ZHX2: variants seen among roughly 807,000 people sequenced by gnomAD.
The protein encoded by ZHX2 is zinc fingers and homeoboxes protein 2.
Under a neutral mutation model 21.9 loss-of-function variants are expected in ZHX2, and 6 were observed. The ratio of observed to expected loss-of-function variants is 0.27; its 90% CI spans 0.15 to 0.54. The LOEUF is 0.54. ZHX2 is among the 20% of genes least tolerant of loss of function. ZHX2 has a pLI of 0.95. For synonymous variants in ZHX2, 434 were observed against 437.1 expected, an observed-to-expected ratio of 0.99 and a Z score of 0.09; for missense variants, 908 against 1,090.7, an observed-to-expected ratio of 0.83 and a Z score of 2.36.
In ZHX2 at chr8:122,857,773, C is replaced by T. The variant is rs1023427047; in HGVS notation, c.-282-5704C>T. Among the ~76,000 whole-genome samples, 5 of 152,204 alleles carry T rather than the reference C, an allele frequency of 3.3e-5. No individual in the cohort carries two copies. The East Asian group carries it at 5.8e-4, about 18-fold the overall frequency. ...TGACTCTGGGCAACTTTTTTAATCTCGCAGGTTCAGGTTTACCATCTGTAG... is the reference window on the plus strand; with the variant it reads ...TGACTCTGGGCAACTTTTTTAATCTTGCAGGTTCAGGTTTACCATCTGTAG... On this transcript the variant is annotated intron_variant, in intron 1 of 3. Transcript: ENST00000314393.
At chr8:122,941,103 TG>T (rs1318348615) in intron 2 of ZHX2, among the ~76,000 whole-genome samples, 1 of 150,338 alleles carries the variant, frequency 6.7e-6, no homozygotes, top group Non-Finnish European at 1.5e-5. Flanking sequence ...TTTAAGAAGC[TG>T]GGCATGGTGG....
intron 2 of ZHX2, among the ~76,000 whole-genome samples, chr8:122,918,509 C>T (rs549536324): frequency 6.6e-6 from 1 of 152,244 alleles, no homozygotes; most frequent in Non-Finnish European, 1.5e-5. Context: ...GCACTTCTCA[C>T]CTCGTCTTTG....
chr8:122,925,455 C>G (rs138876365), intron 2 of ZHX2, among the ~76,000 whole-genome samples: 4 of 152,204 alleles, frequency 2.6e-5, no homozygotes, highest in Non-Finnish European at 5.9e-5. Flanking sequence ...CCACTAGGGG[C>G]GAGAAATACC....
chr8:122,960,388 A>C (rs910598569), intron 3 of ZHX2, among the ~76,000 whole-genome samples: 3 of 152,168 alleles, frequency 2.0e-5, no homozygotes, highest in African/African-American at 2.4e-5. Flanking sequence ...AAATACAAAA[A>C]TTAGCTTGGT....
chr8:122,888,927 T>G (rs1460198689), intron 2 of ZHX2, among the ~76,000 whole-genome samples: 1 of 152,182 alleles, frequency 6.6e-6, no homozygotes, highest in African/African-American at 2.4e-5. Context: ...TAGTAACCAC[T>G]CTTCTACTCT....
rs1163195324 is a variant in ZHX2, at chr8:122,953,883, G to A, written c.2373G>A (p.Val791=). 4 of 1,614,182 alleles carry A rather than the reference G, an allele frequency of 2.5e-6. No homozygotes were observed. The highest frequency in any genetic ancestry group is 3.4e-6 in the Non-Finnish European group (4 of 1,180,016). Residue 791 remains valine, a synonymous_variant, in exon 3 of 4, where the codon GTG becomes GTA. Coordinates refer to ENST00000314393, the MANE Select transcript of ZHX2 (RefSeq NM_014943.5). The surrounding 1 kb of genome is among the most constrained non-coding windows in gnomAD (Gnocchi z 4.6). ...ACGAGAACGAGGAGTCGAGCGTTGT[G>A]GATTACGTGGAGGTGACGGTCGGGG... The part of the protein sequence containing the change: ...GSDENEESSV[V]DYVEVTVGEE...
rs571979215 is a variant in ZHX2 at position 122,836,484 on chromosome 8, G to A, written c.-282-26993G>A. On this transcript the variant is annotated intron_variant, in intron 1 of 3. Coordinates refer to ENST00000314393, the MANE Select transcript of ZHX2 (RefSeq NM_014943.5). ...AAGGTTCTTGTATCGGTTCGAACCC[G>A]GAGAGCGCGCGTTCGAACCAACAGA... 5.9e-5 allele frequency among the ~76,000 whole-genome samples: 9 copies of A among 152,296 alleles called. No homozygotes were observed. In the East Asian group the frequency reaches 7.7e-4, roughly 13 times the overall value.
intron 2 of ZHX2, among the ~76,000 whole-genome samples, chr8:122,870,880 G>A (rs180697025): frequency 2.6e-5 from 4 of 152,272 alleles, no homozygotes; most frequent in African/African-American, 9.6e-5. Flanking sequence ...GATAGAAAGT[G>A]AGAAAGGACA....
At chr8:122,907,002 G>A (rs961050989) in intron 2 of ZHX2, among the ~76,000 whole-genome samples, 31 of 152,242 alleles carry the variant, frequency 2.0e-4, no homozygotes, top group African/African-American at 6.0e-4. Context: ...TGCAGCTTGT[G>A]AAATTAAAAA....
chr8:122,835,084 A>C (rs770877874), intron 1 of ZHX2, among the ~76,000 whole-genome samples: 12 of 152,208 alleles, frequency 7.9e-5, no homozygotes, highest in Non-Finnish European at 1.6e-4. Context: ...CCTAGAGGTC[A>C]TGCCGGGTCA....
intron 1 of ZHX2, chr8:122,815,611 C>A: frequency 6.3e-6 from 1 of 158,402 alleles, no homozygotes. Context: ...GAAATGACAA[C>A]AAAGGATTTA....
At chr8:122,856,545 C>T (rs968512908) in intron 1 of ZHX2, among the ~76,000 whole-genome samples, 23 of 152,146 alleles carry the variant, frequency 1.5e-4, no homozygotes, top group Admixed American at 1.3e-3. Flanking sequence ...CTTTCATAGA[C>T]TCCCAATCTT....
At chr8:122,835,452 T>C (rs958776989) in intron 1 of ZHX2, among the ~76,000 whole-genome samples, 3 of 151,490 alleles carry the variant, frequency 2.0e-5, no homozygotes, top group African/African-American at 7.3e-5. Context: ...GAGAGGGCGG[T>C]GGGGGAGGAG....
At chr8:122,881,955 G>A (rs1819724335) in intron 2 of ZHX2, among the ~76,000 whole-genome samples, 1 of 152,120 alleles carries the variant, frequency 6.6e-6, no homozygotes, top group Non-Finnish European at 1.5e-5. Flanking sequence ...CATTAACCAT[G>A]GAAGAAGGAT....
chr8:122,832,909 A>C (rs921547673), intron 1 of ZHX2, among the ~76,000 whole-genome samples: 1 of 152,086 alleles, frequency 6.6e-6, no homozygotes, highest in African/African-American at 2.4e-5. Flanking sequence ...TCCCTTTGAG[A>C]GGGGCTACAC....
chr8:122,924,431 G>A (rs1191193764), intron 2 of ZHX2, among the ~76,000 whole-genome samples: 1 of 152,160 alleles, frequency 6.6e-6, no homozygotes, highest in African/African-American at 2.4e-5. Flanking sequence ...GATTACCTCT[G>A]TAAAGACCCT....
intron 1 of ZHX2, among the ~76,000 whole-genome samples, chr8:122,839,294 C>T (rs144971525): frequency 1.3e-5 from 2 of 152,260 alleles, no homozygotes; most frequent in African/African-American, 4.8e-5. Flanking sequence ...TCCAACTTCC[C>T]TCACCCCATC....
chr8:122,835,916 G>A (rs145188158), intron 1 of ZHX2, among the ~76,000 whole-genome samples: 3 of 152,192 alleles, frequency 2.0e-5, no homozygotes, highest in African/African-American at 7.2e-5. Flanking sequence ...ACTGAATTGC[G>A]AAAAAGACAC....
chr8:122,853,653 T>G (rs1375764128), intron 1 of ZHX2, among the ~76,000 whole-genome samples: 1 of 152,030 alleles, frequency 6.6e-6, no homozygotes, highest in Non-Finnish European at 1.5e-5. Context: ...CTCCCCTCCT[T>G]GGAATTCATA....
Sources: allele counts gnomAD v4.1 joint callset (sites outside exome capture counted in the v4.1 genomes callset), GRCh38; gene constraint gnomAD v4.1.1; non-coding constraint Gnocchi (gnomAD v3.1); transcripts MANE v1.5; gene names NCBI Gene and HGNC (gene_info 2026-07-23, HGNC 2026-07-21).